ANXA9: variants seen among roughly 807,000 people sequenced by gnomAD.
ANXA9 encodes the protein annexin 31.
In ANXA9, 47 loss-of-function variants were observed where a neutral mutation model predicts 51.8. The observed-to-expected ratio is 0.91, with a 90% confidence interval of 0.72 to 1.16. The LOEUF is 1.16. Among genes scored for constraint, ANXA9 ranks in the 50% most tolerant of loss-of-function variants. The pLI is 0.00. For synonymous variants in ANXA9, 154 were observed against 168.7 expected (o/e 0.91, Z 0.68); for missense variants, 361 against 424.7 (o/e 0.85, Z 1.32).
At chr1:150,995,111 T>A in intron 13 of ANXA9, 149 bp from the exon 14 acceptor site, 1 of 793,186 alleles carries the variant, frequency 1.3e-6, no homozygotes, top group South Asian at 2.0e-5. Context: ...AACCCAGGAG[T>A]CTTTGGTTAA....
Position 150,995,349 on chromosome 1 carries a change from A to G in ANXA9, c.*27A>G. On this transcript the variant is annotated 3_prime_UTR_variant, in exon 14 of 14. Transcript: ENST00000368947. ...ACTTCCCTGCCCCACCCCACATGACATCCGAGGATCTGAGATTTCCGTGTT... is the reference window on the plus strand; with the variant it reads ...ACTTCCCTGCCCCACCCCACATGACGTCCGAGGATCTGAGATTTCCGTGTT... The G allele has an allele frequency of 6.3e-7, 1 of 1,579,492 alleles. No individual in the cohort carries two copies.
At position 150,983,146 on chromosome 1, in the gene ANXA9, AGGAGAT is replaced by A; in HGVS notation, c.42_47del (p.Gln14_Ile16delinsHis). 3.1e-6 allele frequency: 5 copies of A among 1,614,070 alleles called. No individual in the cohort carries two copies. Among genetic ancestry groups the A allele is most frequent in the Non-Finnish European group, 8.5e-7 (1 of 1,179,986 alleles). On this transcript the variant is annotated inframe_deletion, in exon 3 of 14. Transcript: ENST00000368947. ...GGGAAGATGGCACCGTCCCTCACCC[AGGAGAT>A]CCTCAGCCACCTGGGCCTGGCCAGC...
chr1:150,981,058 A>G (rs1671407620), upstream of ANXA9, among the ~76,000 whole-genome samples: 1 of 152,108 alleles, frequency 6.6e-6, no homozygotes, highest in South Asian at 2.1e-4. Context: ...CGTCTCTCTC[A>G]ATCCTCCCAT....
Position 150,984,396 on chromosome 1 carries a change from T to C in ANXA9, c.381+2T>C, listed in dbSNP as rs1264512217. On this transcript the variant is annotated splice_donor_variant, in intron 6 of 13. Coordinates refer to ENST00000368947, the MANE Select transcript of ANXA9 (RefSeq NM_003568.3). LOFTEE classifies it high-confidence loss of function. ...CAGGAATTGAGGACAGCTCTGAAGG[T>C]AGCAGGAGGGGAGACTTGCTGGGGT... 4 of 1,613,818 alleles carry C rather than the reference T, an allele frequency of 2.5e-6. No individual in the cohort carries two copies. Among genetic ancestry groups the C allele is most frequent in the Admixed American group, 1.7e-5 (1 of 60,002 alleles).
chr1:150,978,514 G>A (rs587598891), upstream of ANXA9, among the ~76,000 whole-genome samples: 40 of 152,276 alleles, frequency 2.6e-4, no homozygotes, highest in South Asian at 8.3e-3. Context: ...GTATGTGGCT[G>A]CCTTTCCCCT....
Position 150,986,338 on chromosome 1 carries a change from T to A in ANXA9, c.475T>A (p.Phe159Ile), listed in dbSNP as rs906948613. The change falls in exon 8 of 14, where the codon TTC (phenylalanine) becomes ATC (isoleucine). Residue 159 changes from phenylalanine (F) to isoleucine (I), a missense_variant and splice_region_variant. Coordinates refer to ENST00000368947, the MANE Select transcript of ANXA9 (RefSeq NM_003568.3). ...GAGAGCTCCTCACCCCACCCCAGAT[T>A]TCCAGGTGGAGGCTGTGGATGACAT... is the stretch of plus-strand genomic sequence containing the variant. Reference protein sequence around the residue: ...QECLAVYKHNFQVEAVDDITS... With the variant: ...QECLAVYKHNIQVEAVDDITS... 1.2e-6 allele frequency: 2 copies of A among 1,613,992 alleles called. No homozygotes were observed. Among genetic ancestry groups the A allele is most frequent in the African/African-American group, 2.7e-5 (2 of 75,022 alleles).
At chr1:150,987,086 G>A (rs1343760818) in intron 9 of ANXA9, among the ~76,000 whole-genome samples, 6 of 152,080 alleles carry the variant, frequency 3.9e-5, no homozygotes, top group Admixed American at 2.0e-4. Context: ...ACAACTAGTA[G>A]GCCAGGCATG....
At position 150,994,036 on chromosome 1, in the gene ANXA9, C is replaced by T. The variant is rs587766367; in HGVS notation, c.853-541C>T. 4.6e-5 allele frequency among the ~76,000 whole-genome samples: 7 copies of T among 152,218 alleles called. No homozygotes were observed. The South Asian group carries it at 8.3e-4, about 18-fold the overall frequency. ...CAATGTTTCAGCCTAAGGGTCCAACCGGAGAAACTAATATGCAGAGATGGG... is the reference window on the plus strand; with the variant it reads ...CAATGTTTCAGCCTAAGGGTCCAACTGGAGAAACTAATATGCAGAGATGGG... On this transcript the variant is annotated intron_variant, in intron 12 of 13. Coordinates refer to ENST00000368947, the MANE Select transcript of ANXA9 (RefSeq NM_003568.3).
At position 150,988,353 on chromosome 1, in the gene ANXA9, A is replaced by C; in HGVS notation, c.852+12A>C. 2 of 1,613,362 alleles carry C rather than the reference A, an allele frequency of 1.2e-6. No individual in the cohort carries two copies. Among genetic ancestry groups the C allele is most frequent in the Non-Finnish European group, 1.7e-6 (2 of 1,179,796 alleles). On this transcript the variant is annotated intron_variant, in intron 12 of 13. Transcript: ENST00000368947. ...ATCAAGCCCTCCAGGTGAGAGGGGCACTCCTTTCCCTCCCCAGAACAGAAA... is the reference window on the plus strand; with the variant it reads ...ATCAAGCCCTCCAGGTGAGAGGGGCCCTCCTTTCCCTCCCCAGAACAGAAA...
chr1:150,985,161 G>C (rs941326659), intron 7 of ANXA9, among the ~76,000 whole-genome samples: 13 of 150,998 alleles, frequency 8.6e-5, no homozygotes, highest in African/African-American at 2.7e-4. Flanking sequence ...ACAGGAGTGA[G>C]AGCATGTCTC....
At chr1:150,994,846 C>T (rs960816025) in intron 13 of ANXA9, 147 bp downstream of exon 13, 3 of 1,443,954 alleles carry the variant, frequency 2.1e-6, no homozygotes, top group Non-Finnish European at 2.7e-6. Context: ...GTAATCCCAG[C>T]ACTTTGAGAG....
chr1:150,985,180 T>G (rs375355461), intron 7 of ANXA9, among the ~76,000 whole-genome samples: 1 of 144,230 alleles, frequency 6.9e-6, no homozygotes, highest in Non-Finnish European at 1.5e-5. Context: ...TCTCTCTCTC[T>G]CTCTCTCTCT....
Position 150,988,084 on chromosome 1 carries a change from A to G in ANXA9, c.698-7A>G, listed in dbSNP as rs1558040056. 1 of 1,614,114 alleles carries G rather than the reference A, an allele frequency of 6.2e-7. No homozygotes were observed. Among genetic ancestry groups the G allele is most frequent in the South Asian group, 1.1e-5 (1 of 91,088 alleles). Reference sequence around the variant, plus strand: ...CCATCTTTCTAACTGCCTCCTACACACACAAGTGTTTGATCAGTACCAGCG... The same window carrying G: ...CCATCTTTCTAACTGCCTCCTACACGCACAAGTGTTTGATCAGTACCAGCG... On this transcript the variant is annotated splice_region_variant and splice_polypyrimidine_tract_variant and intron_variant, in intron 10 of 13. Coordinates refer to ENST00000368947, the MANE Select transcript of ANXA9 (RefSeq NM_003568.3).
At chr1:150,992,207 T>A (rs71624515) in intron 12 of ANXA9, among the ~76,000 whole-genome samples, 2,695 of 152,358 alleles carry the variant, frequency 0.018, 51 homozygotes, top group Non-Finnish European at 0.031. Flanking sequence ...AAAATTAATG[T>A]TCCTGGTGAA....
intron 6 of ANXA9, 26 bp downstream of exon 6, chr1:150,984,420 G>A (rs1262151665): frequency 1.2e-6 from 2 of 1,607,824 alleles, no homozygotes; most frequent in African/African-American, 1.3e-5. Flanking sequence ...ACTTGCTGGG[G>A]TGTCTGGGGA....
intron 12 of ANXA9, among the ~76,000 whole-genome samples, chr1:150,994,277 G>T (rs1485630597): frequency 6.6e-6 from 1 of 151,868 alleles, no homozygotes; most frequent in Non-Finnish European, 1.5e-5. Context: ...CCTATCTTTG[G>T]AGCTGCTCAC....
upstream of ANXA9, among the ~76,000 whole-genome samples, chr1:150,979,510 C>T (rs1001116402): frequency 2.0e-5 from 3 of 152,178 alleles, no homozygotes; most frequent in Non-Finnish European, 4.4e-5. Flanking sequence ...CTACCTGAGG[C>T]TCTTCCCCTG....
At chr1:150,986,930 A>G (rs1290683757) in intron 9 of ANXA9, among the ~76,000 whole-genome samples, 1 of 151,950 alleles carries the variant, frequency 6.6e-6, no homozygotes, top group East Asian at 1.9e-4. Flanking sequence ...GCCTCCTCAG[A>G]CCTTTTGGGG....
Position 150,988,475 on chromosome 1 carries a change from A to G in ANXA9, c.852+134A>G, listed in dbSNP as rs929410833. On this transcript the variant is annotated intron_variant, in intron 12 of 13. Coordinates refer to ENST00000368947, the MANE Select transcript of ANXA9 (RefSeq NM_003568.3). Reference sequence around the variant, plus strand: ...CCGCTCTCCTTCCCAGGGCTTACACACCAGGGCTTACACAGGGGTGGAGGA... The same window carrying G: ...CCGCTCTCCTTCCCAGGGCTTACACGCCAGGGCTTACACAGGGGTGGAGGA... 7 of 1,071,404 alleles carry G rather than the reference A, an allele frequency of 6.5e-6. No homozygotes were observed. The African/African-American group carries it at 1.1e-4, about 17-fold the overall frequency. The allele number at this position is 1,071,404 out of a possible 1,614,324, so 66.4% of individuals were successfully genotyped here.
Sources: allele counts gnomAD v4.1 joint callset (sites outside exome capture counted in the v4.1 genomes callset), GRCh38; gene constraint gnomAD v4.1.1; transcripts MANE v1.5; gene names NCBI Gene and HGNC (gene_info 2026-07-23, HGNC 2026-07-21).